Variants in TENM3 observed in about 807,000 individuals in gnomAD.
TENM3 encodes teneurin transmembrane protein 3, also known as teneurin-3.
Under a neutral mutation model 255.1 loss-of-function variants are expected in TENM3, and 63 were observed. The observed-to-expected ratio is 0.25, with a 90% CI of 0.20 to 0.30. The LOEUF (loss-of-function observed/expected upper bound fraction) is 0.30. TENM3 is among the 10% of genes least tolerant of loss of function. The probability of loss-of-function intolerance (pLI) is 1.00; values close to 1 mark genes in which losing one functional copy is unlikely to be tolerated. For missense variants in TENM3, 2,929 were observed against 3,461.1 expected, an observed-to-expected ratio of 0.85 and a Z score of 3.86; for synonymous variants, 1,306 against 1,322.3, an observed-to-expected ratio of 0.99 and a Z score of 0.27.
the TENM3 span, among the ~76,000 whole-genome samples, chr4:181,772,367 G>T: frequency 6.6e-6 from 1 of 151,740 alleles, no homozygotes; most frequent in East Asian, 1.9e-4. Context: ...CACAGAGTGA[G>T]ACTCCTTCTC....
At chr4:182,454,445 T>A (rs1773712876) in intron 3 of TENM3, among the ~76,000 whole-genome samples, 1 of 152,108 alleles carries the variant, frequency 6.6e-6, no homozygotes, top group Non-Finnish European at 1.5e-5. Context: ...GTATTTGCTT[T>A]TAAGGGTCTT....
intron 3 of TENM3, among the ~76,000 whole-genome samples, chr4:182,567,361 G>A (rs1346717818): frequency 6.6e-6 from 1 of 151,944 alleles, no homozygotes; most frequent in Non-Finnish European, 1.5e-5. Flanking sequence ...CTTCCCTCCC[G>A]TCCCATGCCC....
At chr4:182,151,524 A>G (rs1750355411) in intron 1 of TENM3, among the ~76,000 whole-genome samples, 1 of 152,058 alleles carries the variant, frequency 6.6e-6, no homozygotes, top group Admixed American at 6.6e-5. Context: ...AGAGCTTGCC[A>G]TTTGAAATAA....
chr4:182,213,240 A>G (rs1755175354), intron 1 of TENM3, among the ~76,000 whole-genome samples: 2 of 152,220 alleles, frequency 1.3e-5, no homozygotes, highest in South Asian at 2.1e-4. Context: ...TAGTTGCACC[A>G]TATTTCAAAT....
intron 22 of TENM3, among the ~76,000 whole-genome samples, chr4:182,759,742 G>C (rs531672820): frequency 6.6e-6 from 1 of 152,330 alleles, no homozygotes; most frequent in East Asian, 1.9e-4. Flanking sequence ...TCCCAATAAG[G>C]TTTTTATCAA....
chr4:181,976,459 T>C, the TENM3 span: 1 of 152,192 alleles, frequency 6.6e-6, no homozygotes, highest in African/African-American at 2.4e-5. Context: ...CCACATTTTG[T>C]GAATATGAGA....
chr4:181,775,457 C>G, the TENM3 span, among the ~76,000 whole-genome samples: 1 of 152,058 alleles, frequency 6.6e-6, no homozygotes, highest in Non-Finnish European at 1.5e-5. Flanking sequence ...AGTGCAAAAT[C>G]TCGTCTGGTT....
the TENM3 span, among the ~76,000 whole-genome samples, chr4:182,040,452 G>A: frequency 6.6e-6 from 1 of 152,082 alleles, no homozygotes; most frequent in South Asian, 2.1e-4. Flanking sequence ...CCCACCTTGG[G>A]TTATTTCTCA....
the TENM3 span, among the ~76,000 whole-genome samples, chr4:182,015,150 C>T: frequency 6.6e-6 from 1 of 152,188 alleles, no homozygotes; most frequent in Non-Finnish European, 1.5e-5. Flanking sequence ...GGGGTGTTCG[C>T]GGCCATCGTC....
At chr4:181,772,423 T>C in the TENM3 span, among the ~76,000 whole-genome samples, 1 of 152,078 alleles carries the variant, frequency 6.6e-6, no homozygotes, top group African/African-American at 2.4e-5. Flanking sequence ...AGAAATCATT[T>C]TTAAACTATA....
intron 3 of TENM3, among the ~76,000 whole-genome samples, chr4:182,586,604 G>T (rs1333720583): frequency 6.6e-6 from 1 of 152,182 alleles, no homozygotes; most frequent in Non-Finnish European, 1.5e-5. Flanking sequence ...AATCAAGAAT[G>T]ATCATTACAT....
At chr4:181,850,623 G>T in the TENM3 span, among the ~76,000 whole-genome samples, 1 of 152,068 alleles carries the variant, frequency 6.6e-6, no homozygotes, top group African/African-American at 2.4e-5. Flanking sequence ...AATATTATTT[G>T]CATGAAATAC....
the TENM3 span, among the ~76,000 whole-genome samples, chr4:181,901,385 A>G: frequency 1.3e-5 from 2 of 152,186 alleles, no homozygotes; most frequent in African/African-American, 4.8e-5. Flanking sequence ...AGCCTGTCCT[A>G]TGGGGCTACC....
At chr4:181,654,187 A>C in the TENM3 span, among the ~76,000 whole-genome samples, 1 of 151,156 alleles carries the variant, frequency 6.6e-6, no homozygotes, top group South Asian at 2.1e-4. Context: ...AATCATGTCA[A>C]TTCTATGCGA....
chr4:181,469,060 G>A, the TENM3 span, among the ~76,000 whole-genome samples: 1 of 152,160 alleles, frequency 6.6e-6, no homozygotes, highest in Non-Finnish European at 1.5e-5. Flanking sequence ...AACTGCAGGT[G>A]TTAGAGAGCT....
chr4:182,679,783 T>C lies in TENM3; in HGVS notation c.1444T>C (p.Phe482Leu). Residue 482 changes from phenylalanine (F) to leucine (L), a missense_variant, in exon 8 of 28, where the codon TTT becomes CTT. By Grantham distance (22) the Phe-to-Leu change is conservative. Coordinates refer to ENST00000511685, the MANE Select transcript of TENM3 (RefSeq NM_001080477.4). Reference protein sequence around the residue: ...ARSVSLHEAGFIQYLDSGIWH... With the variant: ...ARSVSLHEAGLIQYLDSGIWH... ...ATCCGTCAGCCTTCATGAGGCCGGC[T>C]TTATCCAGTACTTGGATTCTGGAAT... The C allele has an allele frequency of 6.2e-7, 1 of 1,613,992 alleles. No homozygotes were observed. Among genetic ancestry groups the C allele is most frequent in the Admixed American group, 1.7e-5 (1 of 60,026 alleles).
chr4:182,504,070 A>G (rs1300442841), intron 3 of TENM3, among the ~76,000 whole-genome samples: 1 of 151,998 alleles, frequency 6.6e-6, no homozygotes, highest in African/African-American at 2.4e-5. Flanking sequence ...TAAGCACCAC[A>G]AGCCCAGAGA....
chr4:181,942,165 T>G, the TENM3 span, among the ~76,000 whole-genome samples: 1 of 152,188 alleles, frequency 6.6e-6, no homozygotes, highest in Non-Finnish European at 1.5e-5. Flanking sequence ...TGGCACCAAT[T>G]TGGTATTACC....
intron 3 of TENM3, among the ~76,000 whole-genome samples, chr4:182,487,709 C>G (rs1391280396): frequency 6.6e-6 from 1 of 152,078 alleles, no homozygotes; most frequent in Non-Finnish European, 1.5e-5. Flanking sequence ...TTTTCTCTAC[C>G]CTCAAGGAGT....
Sources: allele counts gnomAD v4.1 joint callset (sites outside exome capture counted in the v4.1 genomes callset), GRCh38; gene constraint gnomAD v4.1.1; transcripts MANE v1.5; gene names NCBI Gene and HGNC (gene_info 2026-07-23, HGNC 2026-07-21).